LINGO2: variants seen among roughly 807,000 people sequenced by gnomAD.
The protein encoded by LINGO2 is leucine rich repeat and Ig domain containing 2.
Under a neutral mutation model 30.6 loss-of-function variants are expected in LINGO2, and 14 were observed. That is an observed-to-expected ratio of 0.46 (90% CI 0.30 to 0.72). The LOEUF is 0.72. Ranked by LOEUF, LINGO2 falls within the 30% of genes least tolerant of loss-of-function variation. The pLI, the probability that LINGO2 is intolerant of heterozygous loss-of-function variation, is 0.07. For missense variants in LINGO2, 729 were observed against 751.7 expected (o/e 0.97, Z 0.35); for synonymous variants, 317 against 288.5 (o/e 1.10, Z -1.00).
chr9:28,055,413 T>G (rs1310626851), intron 4 of LINGO2, among the ~76,000 whole-genome samples: 1 of 152,162 alleles, frequency 6.6e-6, no homozygotes, highest in Admixed American at 6.5e-5. Flanking sequence ...TTTTAGCTAT[T>G]GCCACATTTC....
At chr9:28,404,932 T>C (rs1822436727) in intron 2 of LINGO2, among the ~76,000 whole-genome samples, 1 of 56,992 alleles carries the variant, frequency 1.8e-5, no homozygotes, top group South Asian at 6.4e-4. Context: ...GTGTGTAAAA[T>C]TCCAGAAGGA....
the LINGO2 span, among the ~76,000 whole-genome samples, chr9:28,998,782 G>GC: frequency 1.3e-5 from 2 of 151,984 alleles, no homozygotes; most frequent in Non-Finnish European, 2.9e-5. Flanking sequence ...ATGCATCATA[G>GC]CCACCTGCTT....
intron 4 of LINGO2, among the ~76,000 whole-genome samples, chr9:28,025,827 T>C (rs929532770): frequency 3.3e-5 from 5 of 152,204 alleles, no homozygotes; most frequent in Admixed American, 3.3e-4. Flanking sequence ...CTGCTGAGGA[T>C]GGCTGGATTC....
chr9:28,500,536 A>G (rs1162088791), intron 1 of LINGO2, among the ~76,000 whole-genome samples: 1 of 152,180 alleles, frequency 6.6e-6, no homozygotes, highest in Non-Finnish European at 1.5e-5. Flanking sequence ...TTAGATATAA[A>G]CTGAAGTCAA....
intron 1 of LINGO2, among the ~76,000 whole-genome samples, chr9:28,543,896 A>C (rs1821816073): frequency 6.6e-6 from 1 of 152,030 alleles, no homozygotes; most frequent in African/African-American, 2.4e-5. Flanking sequence ...AAAACAAGCA[A>C]TTATGAATCT....
At chr9:28,014,629 A>G (rs1312635133) in intron 4 of LINGO2, among the ~76,000 whole-genome samples, 3 of 152,206 alleles carry the variant, frequency 2.0e-5, no homozygotes, top group African/African-American at 4.8e-5. Context: ...ACGATTATGC[A>G]TAGTGTGCTA....
chr9:29,203,008 A>C, the LINGO2 span, among the ~76,000 whole-genome samples: 2 of 152,150 alleles, frequency 1.3e-5, no homozygotes, highest in Non-Finnish European at 2.9e-5. Flanking sequence ...AAGACAAAAT[A>C]ATAGACTAAA....
chr9:28,962,278 A>G, the LINGO2 span, among the ~76,000 whole-genome samples: 3 of 152,130 alleles, frequency 2.0e-5, no homozygotes, highest in African/African-American at 7.2e-5. Flanking sequence ...ACCACTGTTA[A>G]TCACAGTTTA....
At chr9:28,150,416 T>A (rs1827965924) in intron 4 of LINGO2, among the ~76,000 whole-genome samples, 1 of 152,200 alleles carries the variant, frequency 6.6e-6, no homozygotes, top group Admixed American at 6.5e-5. Context: ...AAACTCCGTC[T>A]CTACTGAAAA....
At chr9:28,737,310 A>G in the LINGO2 span, among the ~76,000 whole-genome samples, 3 of 152,188 alleles carry the variant, frequency 2.0e-5, no homozygotes, top group Non-Finnish European at 4.4e-5. Flanking sequence ...GTCAAATGAC[A>G]GAAACCATCA....
chr9:28,797,821 G>A, the LINGO2 span, among the ~76,000 whole-genome samples: 1 of 152,054 alleles, frequency 6.6e-6, no homozygotes, highest in African/African-American at 2.4e-5. Context: ...AGTGATTGTA[G>A]TTAGAGCAGT....
At chr9:28,393,532 A>G (rs1821919895) in intron 2 of LINGO2, among the ~76,000 whole-genome samples, 1 of 152,184 alleles carries the variant, frequency 6.6e-6, no homozygotes, top group Non-Finnish European at 1.5e-5. Context: ...CAGGTAGGAG[A>G]GGTGGTGGTC....
chr9:28,772,563 A>T, the LINGO2 span, among the ~76,000 whole-genome samples: 1 of 152,224 alleles, frequency 6.6e-6, no homozygotes, highest in African/African-American at 2.4e-5. Context: ...GCAGTTATTG[A>T]TATTACTAAA....
intron 4 of LINGO2, among the ~76,000 whole-genome samples, chr9:28,241,935 AAAAAAGT>A (rs1821815311): frequency 6.6e-6 from 1 of 152,148 alleles, no homozygotes; most frequent in African/African-American, 2.4e-5. Flanking sequence ...CAGCATCAAC[AAAAAAGT>A]CCACACAAAA....
At chr9:28,983,318 C>CAAAAAAAAAA in the LINGO2 span, among the ~76,000 whole-genome samples, 1 of 130,980 alleles carries the variant, frequency 7.6e-6, no homozygotes. Context: ...ATGAGGTATC[C>CAAAAAAAAAA]AAAAAAAAAA....
chr9:28,733,401 G>GTT, the LINGO2 span, among the ~76,000 whole-genome samples: 4 of 152,228 alleles, frequency 2.6e-5, no homozygotes, highest in East Asian at 7.7e-4. Context: ...ATCATATACT[G>GTT]TAAAATCCTA....
chr9:28,344,135 AT>A (rs1173569554), intron 3 of LINGO2, among the ~76,000 whole-genome samples: 1 of 152,176 alleles, frequency 6.6e-6, no homozygotes, highest in Non-Finnish European at 1.5e-5. Flanking sequence ...AAATTTTAAC[AT>A]TATTGGTAAC....
chr9:28,409,436 A>C (rs1822656510), intron 2 of LINGO2, among the ~76,000 whole-genome samples: 2 of 152,100 alleles, frequency 1.3e-5, no homozygotes, highest in Non-Finnish European at 2.9e-5. Context: ...TTTGCTGTGG[A>C]TAGTTATGTA....
At chr9:28,980,001 G>A in the LINGO2 span, among the ~76,000 whole-genome samples, 16 of 152,090 alleles carry the variant, frequency 1.1e-4, 1 homozygote, top group Admixed American at 1.0e-3. Flanking sequence ...AATATAATAT[G>A]TATAATCCCA....
Sources: gnomAD v4.1 joint callset for allele counts (sites outside exome capture counted in the v4.1 genomes callset) on GRCh38, gnomAD v4.1.1 for gene constraint, MANE v1.5 for transcripts, NCBI Gene and HGNC (gene_info 2026-07-23, HGNC 2026-07-21) for gene names.